The following ITPR2 variants were observed in gnomAD, a reference collection of about 807,000 sequenced individuals.
The protein encoded by ITPR2 is inositol 1,4,5-trisphosphate-gated calcium channel ITPR2.
Under a neutral mutation model 317.1 loss-of-function variants are expected in ITPR2, and 207 were observed. The observed-to-expected ratio is 0.65, with a 90% CI of 0.58 to 0.73. The LOEUF is 0.73. Ranked by LOEUF, ITPR2 falls within the 30% of genes least tolerant of loss-of-function variation. ITPR2 has a pLI of 0.00. For missense variants in ITPR2, 2,613 were observed against 3,284.0 expected (o/e 0.80, Z 4.99); for synonymous variants, 1,156 against 1,149.1 (o/e 1.01, Z -0.12).
intron 37 of ITPR2, among the ~76,000 whole-genome samples, chr12:26,510,232 T>C (rs774064404): frequency 3.3e-4 from 50 of 152,260 alleles, no homozygotes; most frequent in Admixed American, 1.1e-3. Context: ...AATATGCTAG[T>C]CTTTCCAAAT....
intron 50 of ITPR2, among the ~76,000 whole-genome samples, chr12:26,416,547 G>T (rs1175110293): frequency 2.0e-5 from 3 of 152,096 alleles, no homozygotes; most frequent in African/African-American, 4.8e-5. Context: ...AGTACTGAGG[G>T]TTATACAGTT....
intron 34 of ITPR2, among the ~76,000 whole-genome samples, chr12:26,562,337 G>A (rs1158795361): frequency 6.6e-6 from 1 of 152,160 alleles, no homozygotes; most frequent in African/African-American, 2.4e-5. Flanking sequence ...TTTAAGTAGT[G>A]TTTGTGTGCA....
chr12:26,556,526 G>A (rs1158131858), intron 35 of ITPR2, 151 bp from the exon 36 acceptor site: 6 of 696,730 alleles, frequency 8.6e-6, no homozygotes, highest in Non-Finnish European at 1.1e-5. Context: ...TTATAGTCTG[G>A]TTTTATGTAA....
At chr12:26,387,843 T>C (rs962591089) in intron 54 of ITPR2, among the ~76,000 whole-genome samples, 10 of 152,144 alleles carry the variant, frequency 6.6e-5, no homozygotes, top group Admixed American at 3.9e-4. Context: ...AGTCCTGTAA[T>C]AGATGAAAAA....
rs574509511 is a variant in ITPR2 at position 26,690,072 on chromosome 12, C to T, written c.997-3440G>A. ...AAATACATGTGAGAGAAGACTGCCTCGGAATATAAGGACACAGAAGTTATG... is the reference window on the plus strand; with the variant it reads ...AAATACATGTGAGAGAAGACTGCCTTGGAATATAAGGACACAGAAGTTATG... On this transcript the variant is annotated intron_variant, in intron 10 of 56. Coordinates refer to ENST00000381340, the MANE Select transcript of ITPR2 (RefSeq NM_002223.4). 2.0e-4 allele frequency among the ~76,000 whole-genome samples: 31 copies of T among 152,158 alleles called. No homozygotes were observed. The South Asian group carries it at 6.0e-3, about 30-fold the overall frequency.
intron 53 of ITPR2, among the ~76,000 whole-genome samples, chr12:26,399,857 T>C (rs550739562): frequency 3.3e-5 from 5 of 152,350 alleles, no homozygotes; most frequent in African/African-American, 4.8e-5. Context: ...TCAACTCCTA[T>C]ATAAAGTTCG....
intron 9 of ITPR2, among the ~76,000 whole-genome samples, chr12:26,709,052 G>C (rs886890724): frequency 1.3e-5 from 2 of 152,170 alleles, no homozygotes; most frequent in Non-Finnish European, 2.9e-5. Flanking sequence ...CACACCTCTA[G>C]ACACTTTCAC....
chr12:26,472,896 GT>G (rs1942328616), intron 45 of ITPR2, among the ~76,000 whole-genome samples: 1 of 150,820 alleles, frequency 6.6e-6, no homozygotes, highest in Admixed American at 6.6e-5. Context: ...TTGTTTGTTT[GT>G]TCGTTTTGAG....
At chr12:26,826,691 G>A (rs1233266911) in intron 1 of ITPR2, among the ~76,000 whole-genome samples, 2 of 152,120 alleles carry the variant, frequency 1.3e-5, no homozygotes, top group South Asian at 2.1e-4. Context: ...GTTCTGAGGC[G>A]ATCCTGAGAA....
intron 15 of ITPR2, among the ~76,000 whole-genome samples, chr12:26,662,471 T>C (rs139050381): frequency 1.1e-3 from 170 of 152,342 alleles, no homozygotes; most frequent in African/African-American, 3.9e-3. Context: ...TAGGCCCTAG[T>C]GGCTTAGCCC....
intron 13 of ITPR2, among the ~76,000 whole-genome samples, chr12:26,677,538 T>A (rs139189617): frequency 6.6e-5 from 10 of 151,776 alleles, no homozygotes; most frequent in Non-Finnish European, 1.2e-4. Context: ...AGGTTGAAGC[T>A]GCAGTGAGCC....
At chr12:26,411,144 T>G in intron 52 of ITPR2, 176 bp downstream of exon 52, 1 of 559,740 alleles carries the variant, frequency 1.8e-6, no homozygotes, top group South Asian at 2.1e-5. Flanking sequence ...GGGTACAAAA[T>G]GACCAATGTG....
chr12:26,636,163 G>A (rs141465295), intron 21 of ITPR2, among the ~76,000 whole-genome samples: 1 of 152,218 alleles, frequency 6.6e-6, no homozygotes, highest in African/African-American at 2.4e-5. Context: ...GTGTCCAGAC[G>A]GTCACACAAC....
chr12:26,433,263 C>A (rs904535047), intron 48 of ITPR2, among the ~76,000 whole-genome samples: 3 of 152,148 alleles, frequency 2.0e-5, no homozygotes, highest in African/African-American at 4.8e-5. Context: ...ATATCCTAAG[C>A]TGAGCCTCTA....
At chr12:26,645,141 GTCT>G (rs1485840800) in intron 21 of ITPR2, among the ~76,000 whole-genome samples, 1 of 152,006 alleles carries the variant, frequency 6.6e-6, no homozygotes, top group African/African-American at 2.4e-5. Context: ...TCCCTAATAA[GTCT>G]TCTTCATGCT....
At chr12:26,726,667 C>T (rs1431810998) in intron 2 of ITPR2, among the ~76,000 whole-genome samples, 2 of 152,156 alleles carry the variant, frequency 1.3e-5, no homozygotes, top group African/African-American at 4.8e-5. Context: ...CGACAAATAA[C>T]TATCACAAAA....
At chr12:26,746,523 C>A (rs778717103) in intron 2 of ITPR2, among the ~76,000 whole-genome samples, 1 of 152,216 alleles carries the variant, frequency 6.6e-6, no homozygotes, top group African/African-American at 2.4e-5. Context: ...GCGATCTGAT[C>A]TCATGACTCA....
chr12:26,746,328 G>A (rs1033532269), intron 2 of ITPR2, among the ~76,000 whole-genome samples: 2 of 152,118 alleles, frequency 1.3e-5, no homozygotes, highest in Non-Finnish European at 2.9e-5. Flanking sequence ...ATTCTGTTTT[G>A]CCCCATGTCC....
intron 37 of ITPR2, among the ~76,000 whole-genome samples, chr12:26,521,824 G>T (rs7138734): frequency 0.086 from 13,077 of 152,192 alleles, 700 homozygotes; most frequent in African/African-American, 0.15. Flanking sequence ...ATTTTGCAAA[G>T]ATGCAGCAGC....
Sources: allele counts gnomAD v4.1 joint callset (sites outside exome capture counted in the v4.1 genomes callset), GRCh38; gene constraint gnomAD v4.1.1; transcripts MANE v1.5; gene names NCBI Gene and HGNC (gene_info 2026-07-23, HGNC 2026-07-21).